SH3GL3: variants seen among roughly 807,000 people sequenced by gnomAD.
SH3GL3 encodes the protein endophilin-A3.
In SH3GL3, 33 loss-of-function variants were observed where a neutral mutation model predicts 47.7. That is an observed-to-expected ratio of 0.69 (90% CI 0.52 to 0.92). SH3GL3 has a LOEUF of 0.92. Ranked by LOEUF, SH3GL3 falls within the 40% of genes least tolerant of loss-of-function variation. The pLI, the probability that SH3GL3 is intolerant of heterozygous loss-of-function variation, is 0.00. For missense variants in SH3GL3, 363 were observed against 417.8 expected (o/e 0.87, Z 1.14); for synonymous variants, 155 against 148.8 (o/e 1.04, Z -0.30).
At position 83,568,296 on chromosome 15, in the gene SH3GL3, C is replaced by G. The variant is rs1458325654; in HGVS notation, c.188-233C>G. On this transcript the variant is annotated intron_variant, in intron 3 of 8. Coordinates refer to ENST00000427482, the MANE Select transcript of SH3GL3 (RefSeq NM_003027.5). Reference sequence around the variant, plus strand: ...ACTGCGCCCAGCCGATGTGCACCATCATTTCTATGGTTCATCGTGGCTGCG... The same window carrying G: ...ACTGCGCCCAGCCGATGTGCACCATGATTTCTATGGTTCATCGTGGCTGCG... Among the ~76,000 whole-genome samples the G allele has an allele frequency of 2.6e-5, 4 of 152,220 alleles. No homozygotes were observed. The East Asian group carries it at 7.7e-4, about 29-fold the overall frequency.
At chr15:83,464,159 C>A (rs72758400) in intron 1 of SH3GL3, among the ~76,000 whole-genome samples, 5,288 of 152,270 alleles carry the variant, frequency 0.035, 142 homozygotes, top group South Asian at 0.051. Context: ...GTGACCTCCA[C>A]ATTGTCAAAT....
At chr15:83,616,251 CT>C (rs10661412) in intron 8 of SH3GL3, among the ~76,000 whole-genome samples, 76 of 114,166 alleles carry the variant, frequency 6.7e-4, no homozygotes, top group South Asian at 8.8e-4. Context: ...ATTGTGATTG[CT>C]TTTTTTTTTT....
downstream of SH3GL3, among the ~76,000 whole-genome samples, chr15:83,623,717 A>G (rs141807198): frequency 7.6e-3 from 1,155 of 152,300 alleles, 15 homozygotes; most frequent in African/African-American, 0.026. Context: ...TCTTCCATCA[A>G]GCTTATCGCT....
intron 1 of SH3GL3, among the ~76,000 whole-genome samples, chr15:83,513,761 A>T (rs1055821473): frequency 3.9e-5 from 6 of 152,164 alleles, no homozygotes; most frequent in Non-Finnish European, 8.8e-5. Context: ...GCTGAATGGA[A>T]TTTTTTCATC....
chr15:83,484,500 A>G (rs940416447), intron 1 of SH3GL3, among the ~76,000 whole-genome samples: 4 of 151,948 alleles, frequency 2.6e-5, no homozygotes, highest in Non-Finnish European at 5.9e-5. Context: ...TATTAAATCT[A>G]TATTTATGAA....
chr15:83,594,245 C>T (rs552246269), intron 8 of SH3GL3, among the ~76,000 whole-genome samples: 4 of 152,012 alleles, frequency 2.6e-5, no homozygotes, highest in Non-Finnish European at 5.9e-5. Context: ...TTGAGATGAT[C>T]GTTTATTTTT....
chr15:83,494,246 G>T (rs907085321), intron 1 of SH3GL3, among the ~76,000 whole-genome samples: 10 of 152,186 alleles, frequency 6.6e-5, no homozygotes, highest in African/African-American at 2.4e-4. Context: ...GAGGGAATGA[G>T]CCTGTGCCCA....
At chr15:83,547,415 C>G (rs1210059564) in intron 1 of SH3GL3, among the ~76,000 whole-genome samples, 2 of 152,246 alleles carry the variant, frequency 1.3e-5, no homozygotes, top group African/African-American at 4.8e-5. Context: ...TGCACAGATT[C>G]TCTCTCCATG....
chr15:83,541,312 ATTTTTTTTTTTTT>A (rs71156085), intron 1 of SH3GL3, among the ~76,000 whole-genome samples: 85 of 47,306 alleles, frequency 1.8e-3, no homozygotes, highest in East Asian at 6.4e-3. Flanking sequence ...TGGTAATTCT[ATTTTTTTTTTTTT>A]TTTTTTTTTT....
At chr15:83,576,541 G>C (rs1489788821) in intron 5 of SH3GL3, 42 bp from the exon 6 acceptor site, 1 of 1,537,670 alleles carries the variant, frequency 6.5e-7, no homozygotes, top group Non-Finnish European at 8.8e-7. Flanking sequence ...GCCAGGTTTT[G>C]AATGTAGCAC....
chr15:83,480,561 T>C (rs1330869060), intron 1 of SH3GL3, among the ~76,000 whole-genome samples: 1 of 152,146 alleles, frequency 6.6e-6, no homozygotes, highest in Non-Finnish European at 1.5e-5. Context: ...GTGGCTGAGG[T>C]AGAATACAGC....
At chr15:83,513,084 T>C (rs545440176) in intron 1 of SH3GL3, among the ~76,000 whole-genome samples, 1 of 152,306 alleles carries the variant, frequency 6.6e-6, no homozygotes, top group East Asian at 1.9e-4. Flanking sequence ...CTTTTCCTGC[T>C]GTGAATCTGT....
intron 1 of SH3GL3, among the ~76,000 whole-genome samples, chr15:83,490,380 C>T (rs2041827052): frequency 1.3e-5 from 2 of 151,456 alleles, no homozygotes; most frequent in South Asian, 4.2e-4. Flanking sequence ...GCCAGAGGGA[C>T]ACTGAGGGCT....
At chr15:83,516,346 C>T (rs1391980449) in intron 1 of SH3GL3, among the ~76,000 whole-genome samples, 6 of 152,174 alleles carry the variant, frequency 3.9e-5, no homozygotes, top group African/African-American at 9.7e-5. Flanking sequence ...AGCAAAATAA[C>T]GACTATAGTA....
At chr15:83,498,925 G>A (rs899432743) in intron 1 of SH3GL3, among the ~76,000 whole-genome samples, 2 of 152,120 alleles carry the variant, frequency 1.3e-5, no homozygotes, top group African/African-American at 2.4e-5. Flanking sequence ...TATCCCTTTG[G>A]ACCAGGTCCA....
At chr15:83,517,705 A>G (rs1306403219) in intron 1 of SH3GL3, among the ~76,000 whole-genome samples, 2 of 152,188 alleles carry the variant, frequency 1.3e-5, no homozygotes, top group Admixed American at 1.3e-4. Context: ...TTTTATGTCA[A>G]AATTATTTAT....
At chr15:83,501,022 G>A (rs906964770) in intron 1 of SH3GL3, among the ~76,000 whole-genome samples, 1 of 152,234 alleles carries the variant, frequency 6.6e-6, no homozygotes, top group Non-Finnish European at 1.5e-5. Flanking sequence ...CTGAAACTTA[G>A]TACTTTTTGG....
chr15:83,587,635 C>T (rs1388557482), intron 7 of SH3GL3, among the ~76,000 whole-genome samples: 5 of 150,108 alleles, frequency 3.3e-5, no homozygotes, highest in African/African-American at 1.2e-4. Context: ...TGACAAATTT[C>T]AGGCTGTGTT....
chr15:83,502,822 T>C (rs1477253052), intron 1 of SH3GL3, among the ~76,000 whole-genome samples: 1 of 152,222 alleles, frequency 6.6e-6, no homozygotes, highest in African/African-American at 2.4e-5. Context: ...ATTGTGTTTC[T>C]CCTGTTATGA....
Sources: allele counts gnomAD v4.1 joint callset (sites outside exome capture counted in the v4.1 genomes callset), GRCh38; gene constraint gnomAD v4.1.1; transcripts MANE v1.5; gene names NCBI Gene and HGNC (gene_info 2026-07-23, HGNC 2026-07-21).